Variants in DYM observed in about 807,000 individuals in gnomAD.
DYM encodes dyggve-Melchior-Clausen syndrome protein.
DYM carries 78 observed loss-of-function variants against 93.1 expected under a neutral mutation model. The ratio of observed to expected loss-of-function variants is 0.84; its 90% CI spans 0.70 to 1.01. The LOEUF is 1.01. Among genes scored for constraint, DYM ranks in the 50% least tolerant of loss-of-function variants. The pLI is 0.00. For synonymous variants in DYM, 321 were observed against 319.7 expected, an observed-to-expected ratio of 1.00 and a Z score of -0.04; for missense variants, 789 against 845.0, an observed-to-expected ratio of 0.93 and a Z score of 0.82.
intron 13 of DYM, among the ~76,000 whole-genome samples, chr18:49,236,005 G>A (rs1367762122): frequency 6.6e-6 from 1 of 152,068 alleles, no homozygotes; most frequent in African/African-American, 2.4e-5. Flanking sequence ...TACAAAATTT[G>A]TATAAAACAC....
intron 16 of DYM, among the ~76,000 whole-genome samples, chr18:49,107,565 C>A (rs987237207): frequency 6.6e-6 from 1 of 152,118 alleles, no homozygotes; most frequent in African/African-American, 2.4e-5. Flanking sequence ...TGATGATGGT[C>A]ATGTACAGAT....
chr18:49,062,946 T>C (rs1375523513), intron 17 of DYM, among the ~76,000 whole-genome samples: 2 of 152,184 alleles, frequency 1.3e-5, no homozygotes, highest in Non-Finnish European at 2.9e-5. Flanking sequence ...CCCCTTAATC[T>C]GTGGGCAGAA....
At chr18:49,381,192 C>T (rs1408945033) in intron 3 of DYM, among the ~76,000 whole-genome samples, 1 of 151,890 alleles carries the variant, frequency 6.6e-6, no homozygotes, top group Non-Finnish European at 1.5e-5. Context: ...TGGTTTTGCC[C>T]TATGTTGCCC....
At chr18:49,162,684 C>A (rs1032963265) in intron 15 of DYM, among the ~76,000 whole-genome samples, 10 of 152,190 alleles carry the variant, frequency 6.6e-5, no homozygotes, top group African/African-American at 2.4e-4. Flanking sequence ...ACAAAGGCCA[C>A]ATGTTACTGC....
chr18:49,108,071 G>A (rs2081029484), intron 16 of DYM, among the ~76,000 whole-genome samples: 2 of 151,730 alleles, frequency 1.3e-5, no homozygotes, highest in African/African-American at 2.4e-5. Flanking sequence ...GAGCTTCCTG[G>A]CCACTTTGTT....
chr18:49,410,960 A>G (rs893237968), intron 2 of DYM, among the ~76,000 whole-genome samples: 3 of 152,178 alleles, frequency 2.0e-5, no homozygotes, highest in African/African-American at 7.2e-5. Context: ...ATTTGCTGAA[A>G]TAACTTGCAT....
intron 17 of DYM, among the ~76,000 whole-genome samples, chr18:49,077,368 T>C (rs2077390367): frequency 6.6e-6 from 1 of 152,252 alleles, no homozygotes; most frequent in Non-Finnish European, 1.5e-5. Flanking sequence ...TTGACAATTC[T>C]AATTTTTTAA....
chr18:49,292,099 T>C (rs531691080), intron 8 of DYM, among the ~76,000 whole-genome samples: 1 of 152,212 alleles, frequency 6.6e-6, no homozygotes, highest in East Asian at 1.9e-4. Context: ...CTCTTCACAG[T>C]TGCTCATCTT....
At chr18:49,441,223 T>TATATTATATATATTATA (rs1216854633) in intron 1 of DYM, among the ~76,000 whole-genome samples, 2 of 27,542 alleles carry the variant, frequency 7.3e-5, no homozygotes, top group East Asian at 2.3e-3. Flanking sequence ...TTATATATAA[T>TATATTATATATATTATA]TATATTATAT....
At chr18:49,071,947 C>T (rs1295090291) in intron 17 of DYM, among the ~76,000 whole-genome samples, 1 of 152,184 alleles carries the variant, frequency 6.6e-6, no homozygotes, top group Non-Finnish European at 1.5e-5. Context: ...ATAACTGCCA[C>T]ATGCACGCTG....
In DYM at chr18:49,038,771, G is replaced by A. The variant is rs896660348; in HGVS notation, c.*5284C>T. On this transcript the variant is annotated 3_prime_UTR_variant, in exon 18 of 18. Coordinates refer to ENST00000675505, the MANE Select transcript of DYM (RefSeq NM_001353214.3). ...GATTATTCGAATTCTCTCTTATTATGTGGAAAGCTATACACTTTTATTGAT... is the reference window on the plus strand; with the variant it reads ...GATTATTCGAATTCTCTCTTATTATATGGAAAGCTATACACTTTTATTGAT... Among the ~76,000 whole-genome samples, 1 of 152,100 alleles carries A rather than the reference G, an allele frequency of 6.6e-6. No homozygotes were observed. Among genetic ancestry groups the A allele is most frequent in the Admixed American group, 6.5e-5 (1 of 15,270 alleles).
chr18:49,454,412 G>A (rs1465235797), intron 1 of DYM, among the ~76,000 whole-genome samples: 3 of 152,046 alleles, frequency 2.0e-5, no homozygotes, highest in African/African-American at 7.3e-5. Context: ...TCAAAATGGC[G>A]GCTCCATCTT....
intron 8 of DYM, among the ~76,000 whole-genome samples, chr18:49,315,897 C>A (rs1162696081): frequency 6.6e-6 from 1 of 152,088 alleles, no homozygotes; most frequent in Non-Finnish European, 1.5e-5. Context: ...AAATATGAAA[C>A]AAGTGTTTTC....
At chr18:49,056,748 C>T (rs529803891) in intron 17 of DYM, among the ~76,000 whole-genome samples, 125 of 151,900 alleles carry the variant, frequency 8.2e-4, no homozygotes, top group African/African-American at 2.1e-3. Context: ...GGGGTTTCAC[C>T]ATGTTAGCCA....
At chr18:49,350,726 G>GAAAAAAAAAAA (rs72289769) in intron 6 of DYM, among the ~76,000 whole-genome samples, 505 of 119,274 alleles carry the variant, frequency 4.2e-3, no homozygotes, top group Middle Eastern at 5.6e-3. Flanking sequence ...GAAAAAAAAA[G>GAAAAAAAAAAA]AAAAAAAAAA....
chr18:49,372,330 C>T (rs2067120154), intron 5 of DYM, among the ~76,000 whole-genome samples: 1 of 152,166 alleles, frequency 6.6e-6, no homozygotes, highest in African/African-American at 2.4e-5. Context: ...AAACTAACAA[C>T]ATGGAAGACT....
chr18:49,412,179 A>G (rs1213868893), intron 2 of DYM, among the ~76,000 whole-genome samples: 1 of 151,890 alleles, frequency 6.6e-6, no homozygotes, highest in Non-Finnish European at 1.5e-5. Flanking sequence ...AATGTCAGCA[A>G]CTACTATGCT....
At chr18:49,289,776 C>CACACAT (rs1555678765) in intron 8 of DYM, among the ~76,000 whole-genome samples, 20 of 85,520 alleles carry the variant, frequency 2.3e-4, no homozygotes, top group South Asian at 8.1e-4. Context: ...TATATATACA[C>CACACAT]ATATATATAT....
chr18:49,247,978 C>G (rs1164955993), intron 13 of DYM, among the ~76,000 whole-genome samples: 1 of 152,200 alleles, frequency 6.6e-6, no homozygotes, highest in Non-Finnish European at 1.5e-5. Context: ...ACAAACATTC[C>G]TCCTTCCTTT....
Sources: allele counts gnomAD v4.1 joint callset (sites outside exome capture counted in the v4.1 genomes callset), GRCh38; gene constraint gnomAD v4.1.1; transcripts MANE v1.5; gene names NCBI Gene and HGNC (gene_info 2026-07-23, HGNC 2026-07-21).